Variants in CADPS observed in about 807,000 individuals in gnomAD.
CADPS encodes calcium-dependent secretion activator 1.
Under a neutral mutation model 167.3 loss-of-function variants are expected in CADPS, and 57 were observed. The observed-to-expected ratio is 0.34, with a 90% CI of 0.28 to 0.42. The LOEUF (loss-of-function observed/expected upper bound fraction) is 0.42. CADPS is among the 20% of genes least tolerant of loss of function. The pLI, the probability that CADPS is intolerant of heterozygous loss-of-function variation, is 1.00. For synonymous variants in CADPS, 676 were observed against 635.3 expected (o/e 1.06, Z -0.96); for missense variants, 1,414 against 1,738.1 (o/e 0.81, Z 3.32).
chr3:62,607,691 G>C (rs942164720), intron 6 of CADPS, among the ~76,000 whole-genome samples: 1 of 152,212 alleles, frequency 6.6e-6, no homozygotes, highest in Non-Finnish European at 1.5e-5. Context: ...TACGGAAGCT[G>C]TTGTTGGTTT....
chr3:62,429,336 T>C (rs527670628), intron 28 of CADPS, among the ~76,000 whole-genome samples: 15 of 152,144 alleles, frequency 9.9e-5, no homozygotes, highest in Non-Finnish European at 1.8e-4. Context: ...CTTACAAACT[T>C]CCAGATGATG....
At chr3:62,576,813 A>AAAAAAAAAAAG (rs1562375615) in intron 8 of CADPS, among the ~76,000 whole-genome samples, 3 of 149,290 alleles carry the variant, frequency 2.0e-5, no homozygotes, top group African/African-American at 7.5e-5. Flanking sequence ...AAAAAAAAAA[A>AAAAAAAAAAAG]AAAAGCAGTC....
chr3:62,697,446 T>G (rs1462523040), intron 3 of CADPS, among the ~76,000 whole-genome samples: 1 of 152,130 alleles, frequency 6.6e-6, no homozygotes, highest in African/African-American at 2.4e-5. Flanking sequence ...ATTCATTCTT[T>G]TTTATGGCTG....
Position 62,601,002 on chromosome 3 carries a change from T to A in CADPS, c.1326-8254A>T, listed in dbSNP as rs2059878705. ...GGATGGAGTCCTTGACGGAAGGATATGTAGGACATAAGCTATTGGATATGT... is the reference window on the plus strand; with the variant it reads ...GGATGGAGTCCTTGACGGAAGGATAAGTAGGACATAAGCTATTGGATATGT... On this transcript the variant is annotated intron_variant, in intron 6 of 29. Coordinates refer to ENST00000383710, the MANE Select transcript of CADPS (RefSeq NM_003716.4). The surrounding 1 kb of genome is among the most constrained non-coding windows in gnomAD (Gnocchi z 4.3). 6.6e-6 allele frequency among the ~76,000 whole-genome samples: 1 copy of A among 152,068 alleles called. No homozygotes were observed. Among genetic ancestry groups the A allele is most frequent in the Admixed American group, 6.6e-5 (1 of 15,262 alleles).
At chr3:62,710,909 T>A (rs4688140) in intron 3 of CADPS, among the ~76,000 whole-genome samples, 13,062 of 152,282 alleles carry the variant, frequency 0.086, 670 homozygotes, top group South Asian at 0.16. Flanking sequence ...TTAATTCCTG[T>A]CTTATGACTT....
chr3:62,657,753 G>A lies in CADPS; in HGVS notation c.969+4561C>T, dbSNP rs114438094. 4.2e-3 allele frequency among the ~76,000 whole-genome samples: 638 copies of A among 152,270 alleles called. 6 individuals are homozygous for A. Among genetic ancestry groups the A allele is most frequent in the African/African-American group, 0.014 (599 of 41,544 alleles). ...AGATGCTGGTGCGATTGAACTGACA[G>A]ATTACACTGCAAGGTTGTGGGTAAG... On this transcript the variant is annotated intron_variant, in intron 4 of 29. Transcript: ENST00000383710.
intron 6 of CADPS, among the ~76,000 whole-genome samples, chr3:62,595,484 G>A (rs2058778301): frequency 6.6e-6 from 1 of 152,122 alleles, no homozygotes; most frequent in South Asian, 2.1e-4. Context: ...AATTTCCTCA[G>A]CTATAAAATA....
At chr3:62,503,188 C>G (rs2066055851) in intron 17 of CADPS, among the ~76,000 whole-genome samples, 1 of 152,076 alleles carries the variant, frequency 6.6e-6, no homozygotes, top group Admixed American at 6.6e-5. Flanking sequence ...TGAAGAACAC[C>G]TATACATTAA....
chr3:62,700,780 G>T (rs925534041), intron 3 of CADPS, among the ~76,000 whole-genome samples: 6 of 152,116 alleles, frequency 3.9e-5, no homozygotes, highest in African/African-American at 7.2e-5. Context: ...TGAACTCAAG[G>T]CTGCACAGTT....
chr3:62,559,793 C>T (rs925380488), intron 9 of CADPS, among the ~76,000 whole-genome samples: 4 of 152,016 alleles, frequency 2.6e-5, no homozygotes, highest in Non-Finnish European at 4.4e-5. Flanking sequence ...CATGCCCAGC[C>T]GGATTTTTTT....
Position 62,589,966 on chromosome 3 carries a change from G to T in CADPS, c.1437+2671C>A, listed in dbSNP as rs2085554757. On this transcript the variant is annotated intron_variant, in intron 7 of 29. Coordinates refer to ENST00000383710, the MANE Select transcript of CADPS (RefSeq NM_003716.4). ...GCACTTTGGGAGGCCGAGGCGGGCG[G>T]ATCACTTCAGGTTAGCAGTTCAGAC... Among the ~76,000 whole-genome samples, 3 of 151,966 alleles carry T rather than the reference G, an allele frequency of 2.0e-5. No individual in the cohort carries two copies. In the South Asian group the frequency reaches 6.2e-4, roughly 32 times the overall value.
At chr3:62,734,939 T>G (rs2078693720) in intron 3 of CADPS, among the ~76,000 whole-genome samples, 1 of 152,198 alleles carries the variant, frequency 6.6e-6, no homozygotes, top group Non-Finnish European at 1.5e-5. Context: ...TAGTTACTTA[T>G]ATTCTATTCA....
At position 62,536,496 on chromosome 3, in the gene CADPS, C is replaced by T. The variant is rs770518891; in HGVS notation, c.2052G>A (p.Met684Ile). Residue 684 changes from methionine to isoleucine, a missense_variant, in exon 12 of 30, where the codon ATG (methionine) becomes ATA (isoleucine). By Grantham distance (10) the Met-to-Ile change is conservative (BLOSUM62 1). Transcript: ENST00000383710. ...CNFDHASLFE[M>I]VQRLTLDHRL... is the part of the protein sequence containing the mutation. Reference sequence around the variant, plus strand: ...TGTGATCCAAAGTAAGGCGTTGTACCATCTCAAAGAGGGAAGCGTGGTCAA... The same window carrying T: ...TGTGATCCAAAGTAAGGCGTTGTACTATCTCAAAGAGGGAAGCGTGGTCAA... The T allele has an allele frequency of 6.2e-7, 1 of 1,613,338 alleles. No individual in the cohort carries two copies. The highest frequency in any genetic ancestry group is 8.5e-7 in the Non-Finnish European group (1 of 1,179,430).
intron 13 of CADPS, among the ~76,000 whole-genome samples, chr3:62,526,586 A>G (rs2072290012): frequency 6.6e-6 from 1 of 152,156 alleles, no homozygotes; most frequent in South Asian, 2.1e-4. Context: ...GAATACTAAA[A>G]ATATTATGGT....
At chr3:62,701,603 G>A (rs1186138876) in intron 3 of CADPS, among the ~76,000 whole-genome samples, 6 of 69,658 alleles carry the variant, frequency 8.6e-5, no homozygotes, top group Non-Finnish European at 1.4e-4. Context: ...ACAAGACTCA[G>A]TCTAAAAAAA....
At chr3:62,476,336 T>C (rs2061326774) in intron 23 of CADPS, among the ~76,000 whole-genome samples, 2 of 152,180 alleles carry the variant, frequency 1.3e-5, no homozygotes, top group South Asian at 4.1e-4. Flanking sequence ...CAAAAACTCG[T>C]CCATGCTCTG....
At chr3:62,411,135 AC>A (rs1285262231) in intron 28 of CADPS, among the ~76,000 whole-genome samples, 3 of 151,830 alleles carry the variant, frequency 2.0e-5, no homozygotes, top group Admixed American at 6.6e-5. Flanking sequence ...AACAAACCCC[AC>A]CTTTTTGAGC....
chr3:62,560,987 G>A (rs2079048638), intron 9 of CADPS, among the ~76,000 whole-genome samples: 1 of 148,526 alleles, frequency 6.7e-6, no homozygotes, highest in Admixed American at 6.9e-5. Context: ...GCTGAGGCAG[G>A]AGAATTGCTG....
chr3:62,588,453 G>T (rs2085176324), intron 7 of CADPS, among the ~76,000 whole-genome samples: 1 of 152,076 alleles, frequency 6.6e-6, no homozygotes, highest in Non-Finnish European at 1.5e-5. Context: ...GACACAGAGG[G>T]CCTACAATCC....
Sources: allele counts gnomAD v4.1 joint callset (sites outside exome capture counted in the v4.1 genomes callset), GRCh38; gene constraint gnomAD v4.1.1; non-coding constraint Gnocchi (gnomAD v3.1); transcripts MANE v1.5; gene names NCBI Gene and HGNC (gene_info 2026-07-23, HGNC 2026-07-21).